The following EYS variants were observed in gnomAD, a reference collection of about 807,000 sequenced individuals.
EYS encodes EGF-like photoreceptor maintenance factor.
In EYS, 250 loss-of-function variants were observed where a neutral mutation model predicts 282.1. The ratio of observed to expected loss-of-function variants is 0.89; its 90% CI spans 0.80 to 0.98. The LOEUF is 0.98. EYS is among the 50% of genes least tolerant of loss of function. The probability of loss-of-function intolerance (pLI) is 0.00; values close to 1 mark genes in which losing one functional copy is unlikely to be tolerated. For missense variants in EYS, 4,016 were observed against 3,709.0 expected (o/e 1.08, Z -2.15); for synonymous variants, 1,355 against 1,282.9 (o/e 1.06, Z -1.20).
At chr6:64,979,964 A>C (rs1770597881) in intron 14 of EYS, among the ~76,000 whole-genome samples, 1 of 151,578 alleles carries the variant, frequency 6.6e-6, no homozygotes, top group Non-Finnish European at 1.5e-5. Context: ...ACAATAAGTG[A>C]TGCACAATCC....
At chr6:64,518,972 C>T (rs181832692) in intron 26 of EYS, among the ~76,000 whole-genome samples, 6 of 151,836 alleles carry the variant, frequency 4.0e-5, no homozygotes, top group East Asian at 1.9e-4. Context: ...AGTGTGAGAA[C>T]GGACTACTAC....
intron 26 of EYS, among the ~76,000 whole-genome samples, chr6:64,517,986 C>T (rs890999259): frequency 1.3e-5 from 2 of 151,790 alleles, no homozygotes; most frequent in African/African-American, 4.8e-5. Context: ...AGGTTACTTG[C>T]CTTTTCTTTG....
At chr6:63,735,275 G>A (rs2149637517) in intron 41 of EYS, among the ~76,000 whole-genome samples, 1 of 152,172 alleles carries the variant, frequency 6.6e-6, no homozygotes, top group Non-Finnish European at 1.5e-5. Flanking sequence ...GGCGGTTTGA[G>A]TGTTGAGGGT....
chr6:64,436,235 A>C lies in EYS; in HGVS notation c.5866T>G (p.Phe1956Val), dbSNP rs1269786039. ...CTAACAGTAGTATTAATGCTTTTAA[A>C]TTTTGCTTCACCAGGACAGTAAAAG... ...YHFYCPGEAKFKSINTTVRVD... is the reference protein window; with the variant it reads ...YHFYCPGEAKVKSINTTVRVD... Residue 1956 changes from phenylalanine to valine, a missense_variant, in exon 28 of 43, where the codon TTT (phenylalanine) becomes GTT (valine). Physicochemically the swap from Phe to Val is conservative, Grantham distance 50 (BLOSUM62 -1). Transcript: ENST00000503581. 2 of 1,544,234 alleles carry C rather than the reference A, an allele frequency of 1.3e-6. 1 individual carries two copies. Among genetic ancestry groups the C allele is most frequent in the Non-Finnish European group, 1.8e-6 (2 of 1,142,322 alleles).
chr6:64,843,055 A>G (rs563453611), intron 19 of EYS, among the ~76,000 whole-genome samples: 1 of 152,136 alleles, frequency 6.6e-6, no homozygotes, highest in Admixed American at 6.6e-5. Flanking sequence ...GAAGGAAAAA[A>G]TGGTTTCATG....
intron 13 of EYS, among the ~76,000 whole-genome samples, chr6:65,002,433 C>T (rs67276433): frequency 0.026 from 3,837 of 147,478 alleles, 516 homozygotes; most frequent in East Asian, 0.11. Context: ...AGAAAATTAA[C>T]GTGATATTAG....
chr6:65,326,013 A>T (rs1769608358), intron 11 of EYS, among the ~76,000 whole-genome samples: 1 of 152,030 alleles, frequency 6.6e-6, no homozygotes, highest in African/African-American at 2.4e-5. Flanking sequence ...GTTCCCTTTG[A>T]TCATAATTTT....
At chr6:63,817,503 T>G (rs1771209584) in intron 36 of EYS, among the ~76,000 whole-genome samples, 1 of 152,100 alleles carries the variant, frequency 6.6e-6, no homozygotes, top group Non-Finnish European at 1.5e-5. Flanking sequence ...CAGCTACTAG[T>G]GGAGGGGAGA....
chr6:63,992,753 A>G (rs1478351067), intron 34 of EYS, among the ~76,000 whole-genome samples: 1 of 151,842 alleles, frequency 6.6e-6, no homozygotes, highest in Non-Finnish European at 1.5e-5. Context: ...GATTCACTTT[A>G]GATTTAAGGA....
intron 36 of EYS, among the ~76,000 whole-genome samples, chr6:63,832,063 A>G (rs1771655183): frequency 6.6e-6 from 1 of 152,228 alleles, no homozygotes; most frequent in Non-Finnish European, 1.5e-5. Context: ...ATAAATTTAA[A>G]GCAGTGTGTA....
chr6:64,740,958 C>T (rs762060137), intron 22 of EYS, among the ~76,000 whole-genome samples: 14 of 152,016 alleles, frequency 9.2e-5, no homozygotes, highest in Non-Finnish European at 2.1e-4. Flanking sequence ...CGTGATCTGC[C>T]CATCTCGGCC....
At chr6:63,892,776 C>T (rs192014825) in intron 35 of EYS, among the ~76,000 whole-genome samples, 8 of 152,248 alleles carry the variant, frequency 5.3e-5, no homozygotes, top group South Asian at 4.2e-4. Flanking sequence ...AAGAAACTAT[C>T]GTCAGAGTGA....
intron 11 of EYS, among the ~76,000 whole-genome samples, chr6:65,332,989 T>A (rs1206907757): frequency 6.6e-6 from 1 of 151,394 alleles, no homozygotes; most frequent in African/African-American, 2.4e-5. Flanking sequence ...TTATTCCTGA[T>A]TTTAGTATAT....
intron 31 of EYS, among the ~76,000 whole-genome samples, chr6:64,147,086 C>T (rs1392582706): frequency 6.6e-6 from 1 of 152,154 alleles, no homozygotes; most frequent in African/African-American, 2.4e-5. Context: ...GAGTCATCTA[C>T]ACTTGACCCT....
chr6:64,776,159 A>G (rs1190212076), intron 22 of EYS, among the ~76,000 whole-genome samples: 1 of 152,134 alleles, frequency 6.6e-6, no homozygotes, highest in Non-Finnish European at 1.5e-5. Flanking sequence ...TCATATGTGG[A>G]CTGATATTGC....
chr6:65,517,341 C>CA (rs71002314), intron 2 of EYS, among the ~76,000 whole-genome samples: 28,446 of 144,976 alleles, frequency 0.2, 3,331 homozygotes, highest in Middle Eastern at 0.31. Context: ...AAAACAACAA[C>CA]AAAAAAAAAA....
chr6:63,737,535 T>C (rs1422874870), intron 41 of EYS, among the ~76,000 whole-genome samples: 3 of 152,192 alleles, frequency 2.0e-5, no homozygotes, highest in Non-Finnish European at 4.4e-5. Context: ...TCAAGGATAT[T>C]GGTCTAAAAT....
chr6:65,676,761 T>C (rs1768616081), intron 1 of EYS, among the ~76,000 whole-genome samples: 1 of 151,764 alleles, frequency 6.6e-6, no homozygotes, highest in Non-Finnish European at 1.5e-5. Context: ...AGAAAAAAAT[T>C]GCATACCAAT....
At chr6:63,955,400 A>C (rs950649350) in intron 35 of EYS, among the ~76,000 whole-genome samples, 1 of 152,194 alleles carries the variant, frequency 6.6e-6, no homozygotes, top group Non-Finnish European at 1.5e-5. Context: ...AAAGATCTTC[A>C]GTGGCAAGGT....
Sources: gnomAD v4.1 joint callset for allele counts (sites outside exome capture counted in the v4.1 genomes callset) on GRCh38, gnomAD v4.1.1 for gene constraint, MANE v1.5 for transcripts, NCBI Gene and HGNC (gene_info 2026-07-23, HGNC 2026-07-21) for gene names.